Variants in CACNA2D2 observed in about 807,000 individuals in gnomAD.
CACNA2D2 encodes calcium voltage-gated channel auxiliary subunit alpha2delta 2, also known as voltage-dependent calcium channel subunit alpha-2/delta-2.
In CACNA2D2, 48 loss-of-function variants were observed where a neutral mutation model predicts 166.4. The observed-to-expected ratio is 0.29, with a 90% CI of 0.23 to 0.37. CACNA2D2 has a LOEUF of 0.37. CACNA2D2 is among the 10% of genes least tolerant of loss of function. CACNA2D2 has a pLI of 1.00. For missense variants in CACNA2D2, 1,122 were observed against 1,433.0 expected, an observed-to-expected ratio of 0.78 and a Z score of 3.50; for synonymous variants, 561 against 573.7, an observed-to-expected ratio of 0.98 and a Z score of 0.32.
At chr3:50,385,504 T>C (rs72934833) in intron 5 of CACNA2D2, among the ~76,000 whole-genome samples, 4,885 of 152,316 alleles carry the variant, frequency 0.032, 262 homozygotes, top group African/African-American at 0.11. Flanking sequence ...AGCTGTGTCT[T>C]GTCTGGGGAA....
At chr3:50,374,665 T>C in intron 22 of CACNA2D2, 72 bp downstream of exon 22, 1 of 1,524,530 alleles carries the variant, frequency 6.6e-7, no homozygotes, top group Non-Finnish European at 8.9e-7. Flanking sequence ...GCGCTGGCTA[T>C]GCTGCCTGGG....
At chr3:50,473,850 A>G (rs1710197821) in intron 2 of CACNA2D2, among the ~76,000 whole-genome samples, 1 of 152,216 alleles carries the variant, frequency 6.6e-6, no homozygotes, top group Admixed American at 6.5e-5. Flanking sequence ...GTTGGCAGGA[A>G]GTAAGAGGCT....
rs748360455 is a variant in CACNA2D2 at position 50,365,763 on chromosome 3, C to T, written c.2915+47G>A. On this transcript the variant is annotated intron_variant, in intron 33 of 37. Coordinates refer to ENST00000424201, the MANE Select transcript of CACNA2D2 (RefSeq NM_006030.4). The surrounding 1 kb of genome is among the most constrained non-coding windows in gnomAD (Gnocchi z 4.5). ...ATGCCCTACTTCTCTTCTGAGCCCTCCCGGCCAGGGAGCACCTTCTCTACC... is the reference window on the plus strand; with the variant it reads ...ATGCCCTACTTCTCTTCTGAGCCCTTCCGGCCAGGGAGCACCTTCTCTACC... 1.2e-6 allele frequency: 2 copies of T among 1,612,002 alleles called. No homozygotes were observed. Among genetic ancestry groups the T allele is most frequent in the Admixed American group, 3.3e-5 (2 of 59,806 alleles).
At chr3:50,498,833 A>C (rs1156416095) in intron 1 of CACNA2D2, among the ~76,000 whole-genome samples, 2 of 152,244 alleles carry the variant, frequency 1.3e-5, no homozygotes, top group African/African-American at 4.8e-5. Flanking sequence ...CCCACTGCCC[A>C]GATGTCCCCA....
intron 1 of CACNA2D2, among the ~76,000 whole-genome samples, chr3:50,500,801 A>C (rs949379559): frequency 8.2e-6 from 1 of 121,720 alleles, no homozygotes; most frequent in Non-Finnish European, 1.6e-5. Flanking sequence ...TCCCTTCAGC[A>C]GTAACCCCTC....
In CACNA2D2 at chr3:50,410,979, T is replaced by C. The variant is rs1482252670; in HGVS notation, c.406-16811A>G. Among the ~76,000 whole-genome samples, 12 of 152,346 alleles carry C rather than the reference T, an allele frequency of 7.9e-5. No individual in the cohort carries two copies. The South Asian group carries it at 2.3e-3, about 29-fold the overall frequency. On this transcript the variant is annotated intron_variant, in intron 3 of 37. Transcript: ENST00000424201. ...CTCAGGCACACGTGCATATGGTGTC[T>C]GGGTCCTTGCTTTTGGTTCACCAAC...
chr3:50,501,966 TGAGCACAGCCAG>T (rs1698984333), intron 1 of CACNA2D2, among the ~76,000 whole-genome samples: 1 of 152,156 alleles, frequency 6.6e-6, no homozygotes, highest in African/African-American at 2.4e-5. Flanking sequence ...ATCACCTGCC[TGAGCACAGCCAG>T]GCTGTGCAAT....
chr3:50,429,528 G>A (rs7617279), intron 3 of CACNA2D2, among the ~76,000 whole-genome samples: 1,692 of 147,808 alleles, frequency 0.011, 36 homozygotes, highest in African/African-American at 0.04. Context: ...CGAGACGGGC[G>A]GATCACGAGG....
At chr3:50,456,097 A>C (rs1186846196) in intron 2 of CACNA2D2, among the ~76,000 whole-genome samples, 2 of 152,222 alleles carry the variant, frequency 1.3e-5, no homozygotes, top group African/African-American at 4.8e-5. Context: ...GAAGGGAGGC[A>C]AGACAGGAAA....
intron 2 of CACNA2D2, among the ~76,000 whole-genome samples, chr3:50,446,670 T>C (rs1458320735): frequency 6.6e-6 from 1 of 152,212 alleles, no homozygotes; most frequent in Non-Finnish European, 1.5e-5. Flanking sequence ...TCAAGAGCTT[T>C]TTCTCAGACA....
At chr3:50,501,611 C>T (rs943764407) in intron 1 of CACNA2D2, among the ~76,000 whole-genome samples, 4 of 152,164 alleles carry the variant, frequency 2.6e-5, no homozygotes, top group African/African-American at 7.2e-5. Flanking sequence ...ATCTGACCAA[C>T]TGCACGTTGC....
chr3:50,488,042 G>T (rs1355042879), intron 1 of CACNA2D2, among the ~76,000 whole-genome samples: 2 of 152,138 alleles, frequency 1.3e-5, no homozygotes, highest in Non-Finnish European at 2.9e-5. Context: ...CAGGATGCAT[G>T]GGATGCATGG....
At position 50,394,229 on chromosome 3, in the gene CACNA2D2, C is replaced by G. The variant is rs559127256; in HGVS notation, c.406-61G>C. The stretch of plus-strand genomic sequence containing the variant: ...GAAGGCAGCCTGCCCTATGCCCACC[C>G]CAAAGCCTCTCCATCCCCAGCACTC... On this transcript the variant is annotated intron_variant, in intron 3 of 37. Coordinates refer to ENST00000424201, the MANE Select transcript of CACNA2D2 (RefSeq NM_006030.4). 637 of 1,400,504 alleles carry G rather than the reference C, an allele frequency of 4.5e-4. 3 individuals carry two copies. In the South Asian group the frequency reaches 6.9e-3, roughly 15 times the overall value. 86.8% of individuals were successfully genotyped at this position (1,400,504 alleles called of 1,614,324 possible).
chr3:50,399,666 A>T (rs1234433147), intron 3 of CACNA2D2, among the ~76,000 whole-genome samples: 1 of 152,148 alleles, frequency 6.6e-6, no homozygotes, highest in Non-Finnish European at 1.5e-5. Context: ...GAGGGGATTG[A>T]GGCTCAAAGC....
At chr3:50,485,283 T>G (rs1698230503) in intron 1 of CACNA2D2, among the ~76,000 whole-genome samples, 1 of 151,736 alleles carries the variant, frequency 6.6e-6, no homozygotes, top group African/African-American at 2.4e-5. Flanking sequence ...GGAGCCAGAC[T>G]CCATGGGCTC....
chr3:50,369,190 T>C (rs1042899284), intron 23 of CACNA2D2, among the ~76,000 whole-genome samples: 1 of 152,244 alleles, frequency 6.6e-6, no homozygotes, highest in Admixed American at 6.5e-5. Flanking sequence ...CCCACACGAC[T>C]GTGCTTGAGA....
intron 2 of CACNA2D2, among the ~76,000 whole-genome samples, chr3:50,465,253 T>A (rs1347154048): frequency 6.6e-6 from 1 of 152,256 alleles, no homozygotes; most frequent in Non-Finnish European, 1.5e-5. Context: ...TTGCTTTTTA[T>A]ATAAATGTTC....
chr3:50,386,857 C>T (rs587702808), intron 5 of CACNA2D2, among the ~76,000 whole-genome samples: 1 of 152,312 alleles, frequency 6.6e-6, no homozygotes, highest in East Asian at 1.9e-4. Flanking sequence ...GGGTCTTGGG[C>T]CTTGACAAGC....
At chr3:50,399,396 T>C (rs2282754) in intron 3 of CACNA2D2, among the ~76,000 whole-genome samples, 39,217 of 152,100 alleles carry the variant, frequency 0.26, 6,675 homozygotes, top group East Asian at 0.47. Flanking sequence ...AAGAAAAGGC[T>C]CTGAACCCAT....
Sources: gnomAD v4.1 joint callset for allele counts (sites outside exome capture counted in the v4.1 genomes callset) on GRCh38, gnomAD v4.1.1 for gene constraint, Gnocchi (gnomAD v3.1) non-coding constraint, MANE v1.5 for transcripts, NCBI Gene and HGNC (gene_info 2026-07-23, HGNC 2026-07-21) for gene names.